Variants in PLEKHA5 observed in about 807,000 individuals in gnomAD.
PLEKHA5 encodes pleckstrin homology domain containing A5.
A neutral mutation model predicts 181.9 loss-of-function variants in PLEKHA5; 55 were observed. The observed-to-expected ratio is 0.30, with a 90% CI of 0.24 to 0.38. The LOEUF is 0.38. PLEKHA5 is among the 10% of genes least tolerant of loss of function. PLEKHA5 has a pLI of 1.00. For missense variants in PLEKHA5, 1,432 were observed against 1,549.5 expected (o/e 0.92, Z 1.27); for synonymous variants, 535 against 529.4 (o/e 1.01, Z -0.15).
chr12:19,322,253 C>G (rs1206849318), intron 18 of PLEKHA5, 57 bp from the exon 19 acceptor site: 1 of 1,053,140 alleles, frequency 9.5e-7, no homozygotes, highest in Non-Finnish European at 1.5e-6. Context: ...GACTGCCTAC[C>G]TCCAATTACA....
intron 16 of PLEKHA5, among the ~76,000 whole-genome samples, chr12:19,316,385 T>A: frequency 6.6e-6 from 1 of 151,946 alleles, no homozygotes; most frequent in South Asian, 2.1e-4. Context: ...AAAGTTCTAA[T>A]TGGGGTTTTC....
chr12:19,308,511 A>G (rs934066439), intron 15 of PLEKHA5, among the ~76,000 whole-genome samples: 1 of 152,224 alleles, frequency 6.6e-6, no homozygotes, highest in Non-Finnish European at 1.5e-5. Flanking sequence ...GAAAAGCTAT[A>G]TACATCTACA....
At position 19,347,015 on chromosome 12, in the gene PLEKHA5, C is replaced by G; in HGVS notation, c.2731C>G (p.Arg911Gly). 2 of 1,549,452 alleles carry G rather than the reference C, an allele frequency of 1.3e-6. No homozygotes were observed. The highest frequency in any genetic ancestry group is 1.7e-6 in the Non-Finnish European group (2 of 1,145,640). Reference sequence around the variant, plus strand: ...TTAGGAAGAGGAAGTAGTCCCACCTCGTCCTCCACTTCCTCGGTCCTATGA... The same window carrying G: ...TTAGGAAGAGGAAGTAGTCCCACCTGGTCCTCCACTTCCTCGGTCCTATGA... ...KNEEEEVVPP[R>G]PPLPRSYDFT... The change falls in exon 24 of 32, where the codon CGT (arginine) becomes GGT (glycine). Residue 911 changes from arginine to glycine, a missense_variant. Physicochemically the swap from Arg to Gly is moderately radical, Grantham distance 125. Transcript: ENST00000429027.
chr12:19,195,385 GT>G (rs1935229018), intron 3 of PLEKHA5, among the ~76,000 whole-genome samples: 2 of 53,614 alleles, frequency 3.7e-5, no homozygotes. Context: ...AGGATATAAA[GT>G]ACGGGTGAGT....
chr12:19,183,737 G>A (rs575330640), intron 3 of PLEKHA5, among the ~76,000 whole-genome samples: 2 of 152,128 alleles, frequency 1.3e-5, no homozygotes, highest in East Asian at 3.9e-4. Context: ...TTTTTGAGAT[G>A]GAGTCTTGCT....
At chr12:19,313,704 G>A (rs1021716743) in intron 15 of PLEKHA5, among the ~76,000 whole-genome samples, 1 of 152,008 alleles carries the variant, frequency 6.6e-6, no homozygotes, top group Middle Eastern at 3.2e-3. Flanking sequence ...ATTGTTAAAA[G>A]ACAAACATGT....
At position 19,130,787 on chromosome 12, in the gene PLEKHA5, AGCAGCCGGAGCCGGAGGAGGCGTTC is replaced by A. The variant is rs2033520673; in HGVS notation, c.169+664_169+688del. 1.3e-5 allele frequency: 2 copies of A among 152,120 alleles called. No homozygotes were observed. The highest frequency in any genetic ancestry group is 4.1e-4 in the South Asian group (2 of 4,820). 9.4% of individuals were successfully genotyped at this position (152,120 alleles called of 1,614,324 possible). On this transcript the variant is annotated intron_variant, in intron 2 of 31. Coordinates refer to ENST00000429027, the MANE Select transcript of PLEKHA5 (RefSeq NM_001256470.2). This position sits in a 1 kb window ranked among gnomAD's most constrained non-coding sequence, Gnocchi z 4.5. Reference sequence around the variant, plus strand: ...GCGCGTTCCCTCCTGCCACGGGAGGAGCAGCCGGAGCCGGAGGAGGCGTTCGCAGCCTCAGTTGCTGGCGATCCGG... The same window carrying A: ...GCGCGTTCCCTCCTGCCACGGGAGGAGCAGCCTCAGTTGCTGGCGATCCGG...
chr12:19,363,277 G>A (rs550170030), intron 29 of PLEKHA5, among the ~76,000 whole-genome samples: 2 of 149,268 alleles, frequency 1.3e-5, no homozygotes, highest in South Asian at 4.2e-4. Context: ...TCAGCCTCCT[G>A]AGTAGCTCAG....
At chr12:19,281,789 G>A (rs1038940200) in intron 11 of PLEKHA5, among the ~76,000 whole-genome samples, 2 of 151,588 alleles carry the variant, frequency 1.3e-5, no homozygotes, top group African/African-American at 4.8e-5. Context: ...TGTTGTTGTT[G>A]TTGTTGTTTT....
chr12:19,310,866 G>GA (rs542838556), intron 15 of PLEKHA5, among the ~76,000 whole-genome samples: 3 of 151,866 alleles, frequency 2.0e-5, no homozygotes, highest in South Asian at 2.1e-4. Context: ...TTATGTCTAA[G>GA]AAAAAAAATC....
chr12:19,187,657 T>G (rs964519868), intron 3 of PLEKHA5, among the ~76,000 whole-genome samples: 16 of 152,158 alleles, frequency 1.1e-4, no homozygotes, highest in Admixed American at 2.6e-4. Context: ...TCAGATCTTT[T>G]TAGTGTGGAA....
intron 3 of PLEKHA5, among the ~76,000 whole-genome samples, chr12:19,203,426 T>C (rs1781360407): frequency 6.6e-6 from 1 of 152,074 alleles, no homozygotes; most frequent in Admixed American, 6.6e-5. Flanking sequence ...CACTTTCTAG[T>C]ATTCGCATTG....
At chr12:19,299,564 C>T (rs1009569575) in intron 15 of PLEKHA5, among the ~76,000 whole-genome samples, 2 of 152,194 alleles carry the variant, frequency 1.3e-5, no homozygotes, top group Non-Finnish European at 2.9e-5. Flanking sequence ...GTATAATAGT[C>T]TTGGATATTC....
intron 3 of PLEKHA5, among the ~76,000 whole-genome samples, chr12:19,224,844 A>G (rs150164048): frequency 8.3e-4 from 127 of 152,272 alleles, no homozygotes; most frequent in Non-Finnish European, 1.6e-3. Flanking sequence ...CTTGGAAAAA[A>G]TTAGTGTTTT....
intron 3 of PLEKHA5, among the ~76,000 whole-genome samples, chr12:19,252,271 A>T (rs1315046588): frequency 7.9e-5 from 12 of 152,160 alleles, no homozygotes; most frequent in Non-Finnish European, 1.6e-4. Context: ...GTGGTTATAG[A>T]CTTCTCACCA....
In PLEKHA5 at chr12:19,287,480, A is replaced by G. The variant is rs779785581; in HGVS notation, c.1787A>G (p.Tyr596Cys). 8 of 1,606,272 alleles carry G rather than the reference A, an allele frequency of 5.0e-6. No individual in the cohort carries two copies. Among genetic ancestry groups the G allele is most frequent in the East Asian group, 2.2e-5 (1 of 44,850 alleles). Residue 596 changes from tyrosine (Y) to cysteine (C), a missense_variant, in exon 13 of 32, where the codon TAT becomes TGT. Around this residue, in one of 2 missense-constraint regions of PLEKHA5, gnomAD observed 1,143 missense variants for 1,168.4 expected, o/e 0.98. Transcript: ENST00000429027. ...RHRAHHPKHVYVPDRRSVPAG... is the reference protein window; with the variant it reads ...RHRAHHPKHVCVPDRRSVPAG... Reference sequence around the variant, plus strand: ...GTGCCTTTACTTTCCTAGCATGTCTATGTGCCTGACAGAAGGTCAGTGCCA... The same window carrying G: ...GTGCCTTTACTTTCCTAGCATGTCTGTGTGCCTGACAGAAGGTCAGTGCCA...
chr12:19,186,615 T>C (rs529304677), intron 3 of PLEKHA5, among the ~76,000 whole-genome samples: 20 of 152,312 alleles, frequency 1.3e-4, no homozygotes, highest in African/African-American at 4.3e-4. Flanking sequence ...TAGATTGAAA[T>C]TGAGTCCAGT....
chr12:19,329,736 C>G (rs776998268), intron 20 of PLEKHA5, among the ~76,000 whole-genome samples: 2 of 151,806 alleles, frequency 1.3e-5, no homozygotes, highest in Non-Finnish European at 2.9e-5. Flanking sequence ...CTTTATTATT[C>G]TAGCTAACAG....
chr12:19,368,580 G>A (rs1785041183), intron 30 of PLEKHA5, among the ~76,000 whole-genome samples: 1 of 152,136 alleles, frequency 6.6e-6, no homozygotes, highest in South Asian at 2.1e-4. Flanking sequence ...ATCACCTGAG[G>A]TTTGGAGTTC....
Sources: gnomAD v4.1 joint callset for allele counts (sites outside exome capture counted in the v4.1 genomes callset) on GRCh38, gnomAD v4.1.1 for gene constraint, gnomAD v4.1.1 regional missense constraint, Gnocchi (gnomAD v3.1) non-coding constraint, MANE v1.5 for transcripts, NCBI Gene and HGNC (gene_info 2026-07-23, HGNC 2026-07-21) for gene names.